Variants in KCNAB2 observed in about 807,000 individuals in gnomAD.
The protein encoded by KCNAB2 is voltage-gated potassium channel subunit beta-2.
KCNAB2 carries 29 observed loss-of-function variants against 63.6 expected under a neutral mutation model. The ratio of observed to expected loss-of-function variants is 0.46; its 90% CI spans 0.34 to 0.62. KCNAB2 has a LOEUF of 0.62. Among genes scored for constraint, KCNAB2 ranks in the 20% least tolerant of loss-of-function variants. The probability of loss-of-function intolerance (pLI) is 0.01; values close to 1 mark genes in which losing one functional copy is unlikely to be tolerated. For missense variants in KCNAB2, 359 were observed against 563.9 expected (o/e 0.64, Z 3.68); for synonymous variants, 222 against 224.2 (o/e 0.99, Z 0.09).
upstream of KCNAB2, among the ~76,000 whole-genome samples, chr1:6,042,031 A>G (rs1276276876): frequency 6.6e-6 from 1 of 152,030 alleles, no homozygotes; most frequent in Non-Finnish European, 1.5e-5. Context: ...GCCTACCCAC[A>G]GGATGCTGTG....
At chr1:6,005,960 A>ACG (rs1657665218) in intron 1 of KCNAB2, among the ~76,000 whole-genome samples, 1 of 16,344 alleles carries the variant, frequency 6.1e-5, no homozygotes, top group South Asian at 3.5e-3. Flanking sequence ...CAGCTCCTAC[A>ACG]TTTCCCACTC....
In KCNAB2 at chr1:6,100,549, C is replaced by T. The variant is rs3789528; in HGVS notation, c.*1975C>T. 14,554 of 153,204 alleles carry T rather than the reference C, an allele frequency of 0.095. 1,011 individuals are homozygous for T. Among genetic ancestry groups the T allele is most frequent in the East Asian group, 0.35 (1,823 of 5,160 alleles). The allele number at this position is 153,204 out of a possible 1,614,324, so 9.5% of individuals were successfully genotyped here. A position where few individuals can be genotyped will look rare whatever the true frequency, so the allele number is the denominator to read the frequency against. On this transcript the variant is annotated 3_prime_UTR_variant, in exon 16 of 16. Coordinates refer to ENST00000378083, the MANE Select transcript of KCNAB2 (RefSeq NM_001199862.2). ...CATCCCCACTGCCACCCAGCCCCACCCACTGTTGGAAGAGGGACCAGCGCG... is the reference window on the plus strand; with the variant it reads ...CATCCCCACTGCCACCCAGCCCCACTCACTGTTGGAAGAGGGACCAGCGCG...
At chr1:6,085,704 C>A (rs1425481976) in intron 6 of KCNAB2, 1 of 416,284 alleles carries the variant, frequency 2.4e-6, no homozygotes, top group African/African-American at 2.1e-5. Flanking sequence ...AGCTTGGGGG[C>A]CTGGGGTTGG....
chr1:5,993,031 GC>G (rs1656617242), intron 1 of KCNAB2, among the ~76,000 whole-genome samples: 1 of 47,804 alleles, frequency 2.1e-5, no homozygotes, highest in Admixed American at 2.0e-4. Context: ...CCTCCCGCCC[GC>G]CCGACCCTTC....
intron 2 of KCNAB2, among the ~76,000 whole-genome samples, chr1:6,054,149 G>A (rs1661613658): frequency 6.6e-6 from 1 of 152,124 alleles, no homozygotes; most frequent in Admixed American, 6.5e-5. Context: ...GACTAGAATG[G>A]ACCCTAATTC....
At position 6,096,840 on chromosome 1, in the gene KCNAB2, G is replaced by A. The variant is rs1665682735; in HGVS notation, c.1069+84G>A. 5 of 1,439,206 alleles carry A rather than the reference G, an allele frequency of 3.5e-6. No homozygotes were observed. In the East Asian group the frequency reaches 1.3e-4, roughly 36 times the overall value. The allele number at this position is 1,439,206 out of a possible 1,614,324, so 89.2% of individuals were successfully genotyped here. A position where few individuals can be genotyped will look rare whatever the true frequency, so the allele number is the denominator to read the frequency against. On this transcript the variant is annotated intron_variant, in intron 14 of 15. Coordinates refer to ENST00000378083, the MANE Select transcript of KCNAB2 (RefSeq NM_001199862.2). This position sits in a 1 kb window ranked among gnomAD's most constrained non-coding sequence, Gnocchi z 5.9. ...GTAGGTAACAGGGTGGGGTTGCCAT[G>A]GGGCCAGTGTCTCCGGGGAGAGAGG...
rs1347578717 is a variant in KCNAB2 at position 6,096,083 on chromosome 1, T to A, written c.948+459T>A. ...TCAGGAGGGTCCCCAGACTGCAGGA[T>A]CTGGAGAACAAGGAGCAGGCCAAGA... On this transcript the variant is annotated intron_variant, in intron 13 of 15. Coordinates refer to ENST00000378083, the MANE Select transcript of KCNAB2 (RefSeq NM_001199862.2). The surrounding 1 kb of genome is among the most constrained non-coding windows in gnomAD (Gnocchi z 5.9). 1 of 457,484 alleles carries A rather than the reference T, an allele frequency of 2.2e-6. No individual in the cohort carries two copies. The highest frequency in any genetic ancestry group is 1.5e-5 in the South Asian group (1 of 64,548). The allele number at this position is 457,484 out of a possible 1,614,324, so 28.3% of individuals were successfully genotyped here.
upstream of KCNAB2, among the ~76,000 whole-genome samples, chr1:6,030,297 T>C (rs990311221): frequency 1.3e-5 from 2 of 152,158 alleles, no homozygotes; most frequent in Non-Finnish European, 2.9e-5. Context: ...CTTGCATATG[T>C]AGCAGGGTGG....
chr1:6,045,505 G>A (rs1002775451), upstream of KCNAB2, among the ~76,000 whole-genome samples: 1 of 152,168 alleles, frequency 6.6e-6, no homozygotes, highest in African/African-American at 2.4e-5. The surrounding 1 kb of genome is among the most constrained non-coding windows in gnomAD (Gnocchi z 4.8). Context: ...CAAATAGCAG[G>A]TTCTGGGGCC....
chr1:6,001,214 C>A (rs1570815503), intron 1 of KCNAB2, among the ~76,000 whole-genome samples: 2 of 152,078 alleles, frequency 1.3e-5, no homozygotes, highest in African/African-American at 2.4e-5. Context: ...AACAGGGTCC[C>A]TCTGCGACCT....
chr1:6,034,492 C>G (rs912948726), exon 1 of KCNAB2: 3 of 152,296 alleles, frequency 2.0e-5, no homozygotes, highest in African/African-American at 7.2e-5. Context: ...GGCACAGATA[C>G]AGCCTGACCT....
At chr1:6,083,515 C>T (rs1024855943) in intron 5 of KCNAB2, among the ~76,000 whole-genome samples, 6 of 152,336 alleles carry the variant, frequency 3.9e-5, no homozygotes, top group African/African-American at 1.2e-4. Flanking sequence ...TCGGGCCTCT[C>T]GGAAGCCGCT....
At chr1:6,018,012 A>C (rs1013666383) in intron 1 of KCNAB2, among the ~76,000 whole-genome samples, 2 of 152,234 alleles carry the variant, frequency 1.3e-5, no homozygotes, top group African/African-American at 4.8e-5. Context: ...TGCCAGGCTC[A>C]AGCAGTCTTC....
chr1:6,091,874 G>A (rs1027463029), intron 10 of KCNAB2, among the ~76,000 whole-genome samples: 3 of 152,208 alleles, frequency 2.0e-5, no homozygotes, highest in Non-Finnish European at 4.4e-5. Flanking sequence ...TTGCCAAAGC[G>A]CTCCATCAAC....
intron 1 of KCNAB2, chr1:6,018,702 G>A (rs1658655912): frequency 1.3e-5 from 2 of 152,204 alleles, no homozygotes; most frequent in African/African-American, 2.4e-5. Flanking sequence ...CCTACCCTGT[G>A]TGGACCCAGC....
At position 6,096,269 on chromosome 1, in the gene KCNAB2, C is replaced by G. The variant is rs759437745; in HGVS notation, c.949-367C>G. The G allele has an allele frequency of 2.6e-5, 10 of 390,662 alleles. No homozygotes were observed. The highest frequency in any genetic ancestry group is 5.0e-5 in the Non-Finnish European group (10 of 199,416). 24.2% of individuals were successfully genotyped at this position (390,662 alleles called of 1,614,324 possible). A position where few individuals can be genotyped will look rare whatever the true frequency, so the allele number is the denominator to read the frequency against. On this transcript the variant is annotated intron_variant, in intron 13 of 15. Transcript: ENST00000378083. The surrounding 1 kb of genome is among the most constrained non-coding windows in gnomAD (Gnocchi z 5.9). The stretch of plus-strand genomic sequence containing the variant: ...GGGGATGGCCAGGGGAGAGAGCACT[C>G]CCCTAGGGCCAGGAGGTTCTTCTGG...
In KCNAB2 at chr1:6,074,272, G is replaced by A. The variant is rs965344394; in HGVS notation, c.300+502G>A. On this transcript the variant is annotated intron_variant, in intron 4 of 15. Transcript: ENST00000378083. The surrounding 1 kb of genome is among the most constrained non-coding windows in gnomAD (Gnocchi z 4.9). ...CCATTTCCCAGCTGCCGCGAACCGT[G>A]CGGATCGCAGTCAGATGTATTTGCT... is the stretch of plus-strand genomic sequence containing the variant. 6.6e-5 allele frequency among the ~76,000 whole-genome samples: 10 copies of A among 152,184 alleles called. No individual in the cohort carries two copies. The highest frequency in any genetic ancestry group is 5.9e-4 in the Admixed American group (9 of 15,286).
At chr1:6,044,038 G>A (rs980938697), upstream of KCNAB2, among the ~76,000 whole-genome samples, 1 of 152,194 alleles carries the variant, frequency 6.6e-6, no homozygotes, top group Non-Finnish European at 1.5e-5. Flanking sequence ...AAAAGTACCA[G>A]AGGAAAAGCA....
rs892353016 is a variant in KCNAB2 at position 6,100,046 on chromosome 1, C to T, written c.*1472C>T. ...CCATAGGGAAGCCTGTGTCTCCTGC[C>T]CCCAGGGCGCACCCTCAGTGCAGGC... On this transcript the variant is annotated 3_prime_UTR_variant, in exon 16 of 16. Transcript: ENST00000378083. 5 of 1,505,976 alleles carry T rather than the reference C, an allele frequency of 3.3e-6. No homozygotes were observed. The African/African-American group carries it at 5.6e-5, about 17-fold the overall frequency. The allele number at this position is 1,505,976 out of a possible 1,614,324, so 93.3% of individuals were successfully genotyped here.
Sources: allele counts gnomAD v4.1 joint callset (sites outside exome capture counted in the v4.1 genomes callset), GRCh38; gene constraint gnomAD v4.1.1; non-coding constraint Gnocchi (gnomAD v3.1); transcripts MANE v1.5; gene names NCBI Gene and HGNC (gene_info 2026-07-23, HGNC 2026-07-21).